CNTNAP2: variants seen among roughly 807,000 people sequenced by gnomAD.
CNTNAP2 encodes the protein contactin-associated protein-like 2.
In CNTNAP2, 98 loss-of-function variants were observed where a neutral mutation model predicts 155.2. The ratio of observed to expected loss-of-function variants is 0.63; its 90% CI spans 0.54 to 0.75. The LOEUF (loss-of-function observed/expected upper bound fraction) is 0.75, where lower values mean the gene tolerates loss of function less well. Ranked by LOEUF, CNTNAP2 falls within the 30% of genes least tolerant of loss-of-function variation. CNTNAP2 has a pLI of 0.00. For missense variants in CNTNAP2, 1,727 were observed against 1,688.1 expected (o/e 1.02, Z -0.40); for synonymous variants, 651 against 631.2 (o/e 1.03, Z -0.47).
intron 12 of CNTNAP2, among the ~76,000 whole-genome samples, chr7:147,568,449 C>T (rs982216094): frequency 1.3e-5 from 2 of 152,094 alleles, no homozygotes; most frequent in African/African-American, 2.4e-5. Context: ...TAGAGCATTT[C>T]AAGTGCTGCA....
At chr7:147,342,300 T>G (rs1795779066) in intron 9 of CNTNAP2, among the ~76,000 whole-genome samples, 1 of 151,980 alleles carries the variant, frequency 6.6e-6, no homozygotes, top group Non-Finnish European at 1.5e-5. Flanking sequence ...TTCTAATGTA[T>G]CTAATTTAAA....
intron 9 of CNTNAP2, among the ~76,000 whole-genome samples, chr7:147,390,623 G>A (rs1192578270): frequency 3.3e-5 from 5 of 151,952 alleles, no homozygotes; most frequent in Non-Finnish European, 5.9e-5. Context: ...TACTACTTGA[G>A]GGTTTCCATG....
At chr7:147,570,492 A>G (rs1173166106) in intron 12 of CNTNAP2, among the ~76,000 whole-genome samples, 3 of 152,238 alleles carry the variant, frequency 2.0e-5, no homozygotes, top group African/African-American at 4.8e-5. Flanking sequence ...AGATAAGCAA[A>G]AATAAAAATT....
At chr7:147,736,328 T>A (rs1235228843) in intron 13 of CNTNAP2, among the ~76,000 whole-genome samples, 2 of 152,212 alleles carry the variant, frequency 1.3e-5, no homozygotes, top group Non-Finnish European at 2.9e-5. Flanking sequence ...ATTCTTTTCT[T>A]TAAGAATGTT....
intron 3 of CNTNAP2, among the ~76,000 whole-genome samples, chr7:146,922,656 G>C (rs1796528784): frequency 6.6e-6 from 1 of 152,134 alleles, no homozygotes; most frequent in Admixed American, 6.6e-5. Flanking sequence ...ACTTTCATAT[G>C]CCACATATTA....
chr7:148,360,705 G>C (rs1307224016), intron 21 of CNTNAP2, among the ~76,000 whole-genome samples: 2 of 151,952 alleles, frequency 1.3e-5, no homozygotes, highest in Non-Finnish European at 2.9e-5. Context: ...GTACTTGTGG[G>C]AAAAAATTAT....
chr7:148,068,108 A>C (rs1208403536), intron 15 of CNTNAP2, among the ~76,000 whole-genome samples: 1 of 151,866 alleles, frequency 6.6e-6, no homozygotes, highest in Non-Finnish European at 1.5e-5. Flanking sequence ...TTCAGGCCCC[A>C]CCTCTCCCCA....
intron 18 of CNTNAP2, among the ~76,000 whole-genome samples, chr7:148,184,226 T>C (rs1795082609): frequency 6.6e-6 from 1 of 152,062 alleles, no homozygotes; most frequent in Non-Finnish European, 1.5e-5. Flanking sequence ...AGCCCAAGAG[T>C]TTGAGACCAG....
At chr7:147,884,969 C>G (rs1460161230) in intron 13 of CNTNAP2, among the ~76,000 whole-genome samples, 1 of 152,220 alleles carries the variant, frequency 6.6e-6, no homozygotes, top group Non-Finnish European at 1.5e-5. Flanking sequence ...AGGTTTTGAG[C>G]TGCATAAGCA....
At chr7:147,166,854 G>T (rs1802123664) in intron 8 of CNTNAP2, among the ~76,000 whole-genome samples, 2 of 152,246 alleles carry the variant, frequency 1.3e-5, no homozygotes, top group African/African-American at 4.8e-5. Context: ...ACGGCCATCT[G>T]GATGTGTACA....
chr7:148,039,372 G>T (rs1024639129), intron 15 of CNTNAP2, among the ~76,000 whole-genome samples: 5 of 152,076 alleles, frequency 3.3e-5, no homozygotes, highest in African/African-American at 9.7e-5. Context: ...GATCATGCCT[G>T]CCCACATGAG....
At chr7:147,864,194 C>A (rs1006220145) in intron 13 of CNTNAP2, among the ~76,000 whole-genome samples, 2 of 152,084 alleles carry the variant, frequency 1.3e-5, no homozygotes, top group Non-Finnish European at 2.9e-5. Context: ...AATCCTTTCC[C>A]CATTTCTTGT....
At chr7:148,371,388 T>G (rs2116640530) in intron 21 of CNTNAP2, among the ~76,000 whole-genome samples, 1 of 152,264 alleles carries the variant, frequency 6.6e-6, no homozygotes, top group South Asian at 2.1e-4. Context: ...AAACTGTATT[T>G]AGTTATATCT....
At chr7:148,174,714 T>G (rs575463523) in intron 18 of CNTNAP2, among the ~76,000 whole-genome samples, 22 of 152,328 alleles carry the variant, frequency 1.4e-4, no homozygotes, top group Non-Finnish European at 1.5e-5. Context: ...GTGGTTATTT[T>G]TTGCAGGAGG....
intron 1 of CNTNAP2, among the ~76,000 whole-genome samples, chr7:146,303,636 G>A (rs1057064788): frequency 1.3e-5 from 2 of 152,114 alleles, no homozygotes; most frequent in Non-Finnish European, 2.9e-5. Flanking sequence ...CTGAGAGACA[G>A]TTTGTTATAA....
chr7:148,408,238 G>C (rs1009692421), intron 22 of CNTNAP2, among the ~76,000 whole-genome samples: 15 of 152,012 alleles, frequency 9.9e-5, no homozygotes, highest in Non-Finnish European at 2.2e-4. Context: ...AACAGAGTGA[G>C]ACCCTTTCCC....
intron 20 of CNTNAP2, among the ~76,000 whole-genome samples, chr7:148,255,892 G>A (rs1796446083): frequency 6.6e-6 from 1 of 152,148 alleles, no homozygotes; most frequent in Non-Finnish European, 1.5e-5. Context: ...ATTGGTTCAA[G>A]GCTGATGCTA....
chr7:147,377,033 T>TA (rs1258121672), intron 9 of CNTNAP2, among the ~76,000 whole-genome samples: 21 of 152,018 alleles, frequency 1.4e-4, no homozygotes, highest in South Asian at 6.2e-4. Context: ...TTGCTAGATT[T>TA]AAGAAAAAAT....
At position 148,187,105 on chromosome 7, in the gene CNTNAP2, AACAT is replaced by A. The variant is rs1297473456; in HGVS notation, c.3010+14631_3010+14634del. Among the ~76,000 whole-genome samples the A allele has an allele frequency of 5.2e-3, 641 of 122,804 alleles. 1 individual carries two copies. Among genetic ancestry groups the A allele is most frequent in the African/African-American group, 0.018 (593 of 33,864 alleles). The allele number at this position is 122,804 out of a possible 152,430, so 80.6% of individuals were successfully genotyped here. A position where few individuals can be genotyped will look rare whatever the true frequency, so the allele number is the denominator to read the frequency against. On this transcript the variant is annotated intron_variant, in intron 18 of 23. Transcript: ENST00000361727. ...CCCTCTCTGTGCGGTTGAGCAAGGAAACATACACACACACACACACACACACACA... is the reference window on the plus strand; with the variant it reads ...CCCTCTCTGTGCGGTTGAGCAAGGAAACACACACACACACACACACACACA...
Sources: gnomAD v4.1 joint callset for allele counts (sites outside exome capture counted in the v4.1 genomes callset) on GRCh38, gnomAD v4.1.1 for gene constraint, MANE v1.5 for transcripts, NCBI Gene and HGNC (gene_info 2026-07-23, HGNC 2026-07-21) for gene names.